The following RNF169 variants were observed in gnomAD, a reference collection of about 807,000 sequenced individuals.
RNF169 encodes E3 ubiquitin-protein ligase RNF169.
Under a neutral mutation model 53.9 loss-of-function variants are expected in RNF169, and 24 were observed. That is an observed-to-expected ratio of 0.45 (90% CI 0.32 to 0.63). The LOEUF is 0.63. RNF169 is among the 20% of genes least tolerant of loss of function. The pLI, the probability that RNF169 is intolerant of heterozygous loss-of-function variation, is 0.04. For synonymous variants in RNF169, 396 were observed against 363.5 expected, an observed-to-expected ratio of 1.09 and a Z score of -1.02; for missense variants, 883 against 906.2, an observed-to-expected ratio of 0.97 and a Z score of 0.33.
chr11:74,822,946 AG>A (rs897990016), intron 4 of RNF169, among the ~76,000 whole-genome samples: 1 of 152,202 alleles, frequency 6.6e-6, no homozygotes, highest in Non-Finnish European at 1.5e-5. Context: ...CAAAAGAGGA[AG>A]GAATACTTAC....
intron 4 of RNF169, among the ~76,000 whole-genome samples, chr11:74,818,003 G>A (rs929999899): frequency 6.6e-6 from 1 of 152,246 alleles, no homozygotes; most frequent in African/African-American, 2.4e-5. Context: ...GTCTTCTTCA[G>A]TCTGACAATA....
At chr11:74,782,950 G>C (rs1198441800) in intron 1 of RNF169, among the ~76,000 whole-genome samples, 1 of 148,266 alleles carries the variant, frequency 6.7e-6, no homozygotes, top group African/African-American at 2.5e-5. Flanking sequence ...CAAATAGCTA[G>C]TAAGTGGGAC....
At chr11:74,765,946 A>G (rs2035167820) in intron 1 of RNF169, among the ~76,000 whole-genome samples, 1 of 152,146 alleles carries the variant, frequency 6.6e-6, no homozygotes, top group Admixed American at 6.5e-5. Flanking sequence ...AATGGAATAG[A>G]AAACAAAAGA....
intron 1 of RNF169, among the ~76,000 whole-genome samples, chr11:74,750,489 A>G (rs190822376): frequency 1.6e-3 from 237 of 151,932 alleles, no homozygotes; most frequent in Middle Eastern, 0.014. Flanking sequence ...TCAAGCCGCC[A>G]GAGACACCTG....
intron 1 of RNF169, among the ~76,000 whole-genome samples, chr11:74,780,595 C>T (rs1183002317): frequency 6.6e-6 from 1 of 152,150 alleles, no homozygotes; most frequent in African/African-American, 2.4e-5. Flanking sequence ...TGCATCATTT[C>T]ATACTTTAAA....
Position 74,759,105 on chromosome 11 carries a change from CTGTT to C in RNF169, c.502+9727_502+9730del, listed in dbSNP as rs1343109349. 1.2e-4 allele frequency among the ~76,000 whole-genome samples: 16 copies of C among 133,994 alleles called. No homozygotes were observed. The East Asian group carries it at 2.0e-3, about 16-fold the overall frequency. 87.9% of individuals were successfully genotyped at this position (133,994 alleles called of 152,430 possible). On this transcript the variant is annotated intron_variant, in intron 1 of 5. Coordinates refer to ENST00000299563, the MANE Select transcript of RNF169 (RefSeq NM_001098638.2). The stretch of plus-strand genomic sequence containing the variant: ...GGGAGTTCACTCATGATTTGGCTCT[CTGTT>C]TGTCTGTTGTTGGTGTATAAGAATG...
At chr11:74,820,050 C>T (rs2035989477) in intron 4 of RNF169, among the ~76,000 whole-genome samples, 1 of 152,090 alleles carries the variant, frequency 6.6e-6, no homozygotes, top group South Asian at 2.1e-4. Flanking sequence ...AACACATGTC[C>T]AGCCAGTGTT....
At chr11:74,800,408 A>G (rs1379776337) in intron 2 of RNF169, among the ~76,000 whole-genome samples, 1 of 152,212 alleles carries the variant, frequency 6.6e-6, no homozygotes, top group African/African-American at 2.4e-5. Flanking sequence ...GCTGAGAAAC[A>G]GTAGTGTGAT....
intron 2 of RNF169, among the ~76,000 whole-genome samples, chr11:74,791,495 C>T (rs2035579176): frequency 6.6e-6 from 1 of 152,250 alleles, no homozygotes; most frequent in African/African-American, 2.4e-5. Context: ...TGCCAAGCTG[C>T]TCTCAGCACC....
chr11:74,830,674 T>A (rs56059110), intron 4 of RNF169: 2 of 152,194 alleles, frequency 1.3e-5, no homozygotes, highest in Non-Finnish European at 2.9e-5. Flanking sequence ...AAATATTCTA[T>A]GAGGTAAGCA....
chr11:74,790,254 A>T (rs1309078143), intron 2 of RNF169, among the ~76,000 whole-genome samples: 4 of 152,232 alleles, frequency 2.6e-5, no homozygotes, highest in Non-Finnish European at 4.4e-5. Context: ...ATTAAGACTT[A>T]AAAAAGGCTG....
In RNF169 at chr11:74,810,737, C is replaced by T. The variant is rs532500038; in HGVS notation, c.723+407C>T. On this transcript the variant is annotated intron_variant, in intron 3 of 5. Transcript: ENST00000299563. The stretch of plus-strand genomic sequence containing the variant: ...TTATTTGTTGTAATACCCTAAGCAG[C>T]ACAGTGTAGATATAAGGTAGGTTTA... Among the ~76,000 whole-genome samples, 24 of 152,274 alleles carry T rather than the reference C, an allele frequency of 1.6e-4. No individual in the cohort carries two copies. In the East Asian group the frequency reaches 4.4e-3, roughly 28 times the overall value.
chr11:74,764,263 G>C, intron 1 of RNF169, among the ~76,000 whole-genome samples: 1 of 152,248 alleles, frequency 6.6e-6, no homozygotes, highest in South Asian at 2.1e-4. Context: ...GCTGGGTGCG[G>C]TAGCGCACGC....
chr11:74,749,528 G>A, intron 1 of RNF169, 146 bp downstream of exon 1: 1 of 692,358 alleles, frequency 1.4e-6, no homozygotes, highest in Non-Finnish European at 1.9e-6. Flanking sequence ...CTACCCAGGT[G>A]CAGTGTGTTT....
chr11:74,756,728 G>T (rs2034989339), intron 1 of RNF169, among the ~76,000 whole-genome samples: 1 of 152,186 alleles, frequency 6.6e-6, no homozygotes, highest in Non-Finnish European at 1.5e-5. Context: ...AGTGGTTAGA[G>T]TATAGAGTGC....
intron 1 of RNF169, among the ~76,000 whole-genome samples, chr11:74,778,656 G>T (rs1421028290): frequency 6.6e-6 from 1 of 152,142 alleles, no homozygotes; most frequent in Non-Finnish European, 1.5e-5. Flanking sequence ...CTTTCAAAAG[G>T]CCTGCAATTT....
intron 1 of RNF169, among the ~76,000 whole-genome samples, chr11:74,772,703 G>C (rs2035278222): frequency 6.6e-6 from 1 of 151,912 alleles, no homozygotes; most frequent in African/African-American, 2.4e-5. Flanking sequence ...ATTGTTGTAA[G>C]GTTTAAATAG....
chr11:74,818,497 A>G (rs1005425420), intron 4 of RNF169, among the ~76,000 whole-genome samples: 2 of 151,836 alleles, frequency 1.3e-5, no homozygotes, highest in Admixed American at 6.6e-5. Flanking sequence ...AGCTCAGATG[A>G]TCCTCCCATC....
At chr11:74,807,762 A>G (rs2135113810) in intron 2 of RNF169, 1 of 152,306 alleles carries the variant, frequency 6.6e-6, no homozygotes, top group Non-Finnish European at 1.5e-5. Flanking sequence ...TTTTATTCAC[A>G]TTTAAAATGC....
Sources: allele counts gnomAD v4.1 joint callset (sites outside exome capture counted in the v4.1 genomes callset), GRCh38; gene constraint gnomAD v4.1.1; transcripts MANE v1.5; gene names NCBI Gene and HGNC (gene_info 2026-07-23, HGNC 2026-07-21).